Variants in SNW1 observed in about 807,000 individuals in gnomAD.
The protein encoded by SNW1 is SNW domain-containing protein 1.
SNW1 carries 9 observed loss-of-function variants against 75.6 expected under a neutral mutation model. That is an observed-to-expected ratio of 0.12 (90% CI 0.07 to 0.21). SNW1 has a LOEUF of 0.21. SNW1 is among the 10% of genes least tolerant of loss of function. The pLI, the probability that SNW1 is intolerant of heterozygous loss-of-function variation, is 1.00. For synonymous variants in SNW1, 200 were observed against 219.1 expected (o/e 0.91, Z 0.77); for missense variants, 409 against 670.9 (o/e 0.61, Z 4.31).
In SNW1 at chr14:77,737,015, C is replaced by G; in HGVS notation, c.594G>C (p.Arg198=). The change falls in exon 6 of 14, where the codon CGG becomes CGC. Residue 198 remains arginine, a synonymous_variant. Coordinates refer to ENST00000261531, the MANE Select transcript of SNW1 (RefSeq NM_012245.3). ...FNSGAKQRVI[R]MVEMQKDPME... is the part of the protein sequence containing the mutation. Reference sequence around the variant, plus strand: ...TTGGATCTTTCTGCATTTCTACCATCCGAATAACCCTCTGTTTAGCTCCAG... The same window carrying G: ...TTGGATCTTTCTGCATTTCTACCATGCGAATAACCCTCTGTTTAGCTCCAG... 1 of 1,613,972 alleles carries G rather than the reference C, an allele frequency of 6.2e-7. No homozygotes were observed. Among genetic ancestry groups the G allele is most frequent in the Non-Finnish European group, 8.5e-7 (1 of 1,179,912 alleles).
chr14:77,748,705 A>C (rs1446279167), intron 3 of SNW1, among the ~76,000 whole-genome samples: 6 of 151,864 alleles, frequency 4.0e-5, no homozygotes, highest in Non-Finnish European at 5.9e-5. Context: ...CTCCTGCCTC[A>C]GCCTCCCGAG....
In SNW1 at chr14:77,743,565, A is replaced by G. The variant is rs746251766; in HGVS notation, c.331-4504T>C. Among the ~76,000 whole-genome samples, 93 of 152,190 alleles carry G rather than the reference A, an allele frequency of 6.1e-4. 1 individual carries two copies. Among genetic ancestry groups the G allele is most frequent in the Non-Finnish European group, 1.1e-3 (76 of 68,024 alleles). On this transcript the variant is annotated intron_variant, in intron 3 of 13. Transcript: ENST00000261531. ...AATCTTAGTCCAAATTCATAAATCC[A>G]ATAACCTGTTCAGTCTCTGGAATAA...
At chr14:77,736,474 A>G (rs1464858367) in intron 6 of SNW1, among the ~76,000 whole-genome samples, 1 of 152,010 alleles carries the variant, frequency 6.6e-6, no homozygotes, top group Non-Finnish European at 1.5e-5. Flanking sequence ...GCTTGAACCC[A>G]GGAGGCAGAG....
intron 5 of SNW1, among the ~76,000 whole-genome samples, chr14:77,737,501 C>T (rs2080682500): frequency 6.6e-6 from 1 of 152,044 alleles, no homozygotes; most frequent in Admixed American, 6.6e-5. Context: ...AGCAGCCCTA[C>T]CAGCTCTGAA....
At chr14:77,752,791 G>A (rs1332106268) in intron 2 of SNW1, among the ~76,000 whole-genome samples, 3 of 152,202 alleles carry the variant, frequency 2.0e-5, no homozygotes, top group Admixed American at 1.3e-4. Context: ...ACCTCTTTAA[G>A]TAATACTCCG....
chr14:77,732,953 G>T (rs2080639154), intron 8 of SNW1, among the ~76,000 whole-genome samples: 1 of 152,188 alleles, frequency 6.6e-6, no homozygotes, highest in African/African-American at 2.4e-5. Context: ...GAGCCATCGA[G>T]CCTGGCTAAA....
chr14:77,735,101 A>G, intron 7 of SNW1, 89 bp from the exon 8 acceptor site: 4 of 888,306 alleles, frequency 4.5e-6, no homozygotes. Context: ...AGACAGCTCC[A>G]TATACACTGA....
At chr14:77,735,102 T>C (rs2080660051) in intron 7 of SNW1, 90 bp from the exon 8 acceptor site, 5 of 889,366 alleles carry the variant, frequency 5.6e-6, no homozygotes, top group South Asian at 1.5e-5. Context: ...GACAGCTCCA[T>C]ATACACTGAC....
chr14:77,730,787 A>G (rs1346178719), intron 10 of SNW1: 9 of 554,734 alleles, frequency 1.6e-5, no homozygotes, highest in Non-Finnish European at 2.8e-5. Flanking sequence ...TACAGTCCCA[A>G]ACTGAAGACC....
chr14:77,747,800 C>A (rs1374462567), intron 3 of SNW1, among the ~76,000 whole-genome samples: 1 of 147,762 alleles, frequency 6.8e-6, no homozygotes, highest in Non-Finnish European at 1.5e-5. Context: ...AGGTGGGGGG[C>A]GCCTCTGCCT....
intron 10 of SNW1, among the ~76,000 whole-genome samples, chr14:77,726,751 T>C (rs917920851): frequency 2.0e-5 from 3 of 151,912 alleles, no homozygotes; most frequent in Admixed American, 1.3e-4. Flanking sequence ...GAAGCGGAGG[T>C]TGCAGTGTGC....
At chr14:77,735,763 C>G (rs574737392) in intron 7 of SNW1, among the ~76,000 whole-genome samples, 174 bp downstream of exon 7, 2 of 152,280 alleles carry the variant, frequency 1.3e-5, no homozygotes, top group South Asian at 4.1e-4. Flanking sequence ...ACAAAACTTA[C>G]AGCTAACATG....
At chr14:77,724,992 C>A (rs929305852) in intron 10 of SNW1, among the ~76,000 whole-genome samples, 1 of 152,140 alleles carries the variant, frequency 6.6e-6, no homozygotes, top group African/African-American at 2.4e-5. Context: ...TCCCCCCCTT[C>A]TGTATCCTCG....
chr14:77,751,644 A>C (rs965373576), intron 2 of SNW1, among the ~76,000 whole-genome samples, 164 bp from the exon 3 acceptor site: 4 of 152,200 alleles, frequency 2.6e-5, no homozygotes, highest in Non-Finnish European at 5.9e-5. Flanking sequence ...AGGCAAAGAT[A>C]TAAAAAACAC....
In SNW1 at chr14:77,755,893, C is replaced by T. The variant is rs117735396; in HGVS notation, c.15-773G>A. Among the ~76,000 whole-genome samples the T allele has an allele frequency of 7.0e-4, 106 of 152,046 alleles. No homozygotes were observed. The East Asian group carries it at 0.019, about 28-fold the overall frequency. On this transcript the variant is annotated intron_variant, in intron 1 of 13. Coordinates refer to ENST00000261531, the MANE Select transcript of SNW1 (RefSeq NM_012245.3). ...AGCTGGGATTACAGATGTGCAGCAC[C>T]ACGCCCACCTAATTTTTGTATTTTT...
rs2080678178 is a variant in SNW1 at position 77,736,998 on chromosome 14, T to C, written c.611A>G (p.Lys204Arg). ...QRVIRMVEMQ[K>R]DPMEPPRFKI... The stretch of plus-strand genomic sequence containing the variant: ...GAACCTTGGAGGCTCCATTGGATCT[T>C]TCTGCATTTCTACCATCCGAATAAC... The change falls in exon 6 of 14, where the codon AAA (lysine) becomes AGA (arginine). Residue 204 changes from lysine to arginine, a missense_variant. Coordinates refer to ENST00000261531, the MANE Select transcript of SNW1 (RefSeq NM_012245.3). 6.2e-7 allele frequency: 1 copy of C among 1,613,624 alleles called. No individual in the cohort carries two copies. Among genetic ancestry groups the C allele is most frequent in the African/African-American group, 1.3e-5 (1 of 74,922 alleles).
In SNW1 at chr14:77,756,593, T is replaced by C. The variant is rs548346040; in HGVS notation, c.15-1473A>G. On this transcript the variant is annotated intron_variant, in intron 1 of 13. Coordinates refer to ENST00000261531, the MANE Select transcript of SNW1 (RefSeq NM_012245.3). ...GGTATCTACAATGAAATTTAAAACT[T>C]AGAGGCCAGGCCAGCCATGGTGGCT... 7.2e-5 allele frequency among the ~76,000 whole-genome samples: 11 copies of C among 152,128 alleles called. No homozygotes were observed. In the South Asian group the frequency reaches 2.3e-3, roughly 32 times the overall value.
intron 3 of SNW1, among the ~76,000 whole-genome samples, chr14:77,748,430 TAAATA>T (rs2080781532): frequency 6.6e-6 from 1 of 150,894 alleles, no homozygotes; most frequent in Non-Finnish European, 1.5e-5. Flanking sequence ...AATAAATAAA[TAAATA>T]AAATATTTTA....
At chr14:77,722,377 A>G in intron 11 of SNW1, 1 of 357,348 alleles carries the variant, frequency 2.8e-6, no homozygotes, top group South Asian at 2.2e-5. Flanking sequence ...ACTGTAAGTT[A>G]AACTACTCCT....
Sources: allele counts gnomAD v4.1 joint callset (sites outside exome capture counted in the v4.1 genomes callset), GRCh38; gene constraint gnomAD v4.1.1; transcripts MANE v1.5; gene names NCBI Gene and HGNC (gene_info 2026-07-23, HGNC 2026-07-21).